The following SHISA5 variants were observed in gnomAD, a reference collection of about 807,000 sequenced individuals.
SHISA5 encodes the protein shisa family member 5, also known as protein shisa-5.
Under a neutral mutation model 27.5 loss-of-function variants are expected in SHISA5, and 21 were observed. That is an observed-to-expected ratio of 0.76 (90% CI 0.54 to 1.10). The LOEUF (loss-of-function observed/expected upper bound fraction) is 1.10, where lower values mean the gene tolerates loss of function less well. Ranked by LOEUF, SHISA5 falls within the 50% of genes least tolerant of loss-of-function variation. The pLI, the probability that SHISA5 is intolerant of heterozygous loss-of-function variation, is 0.00. For missense variants in SHISA5, 314 were observed against 336.3 expected (o/e 0.93, Z 0.52); for synonymous variants, 137 against 142.2 (o/e 0.96, Z 0.26).
Position 48,499,042 on chromosome 3 carries a change from A to G in SHISA5, c.233+2095T>C, listed in dbSNP as rs142085770. ...GGTTGTGGTGAGCCAAGAACACACC[A>G]TTGCACTCCAGCCTGGGCAACAAGA... On this transcript the variant is annotated intron_variant, in intron 2 of 5. Transcript: ENST00000296444. Among the ~76,000 whole-genome samples, 545 of 149,862 alleles carry G rather than the reference A, an allele frequency of 3.6e-3. 1 individual carries two copies. Among genetic ancestry groups the G allele is most frequent in the African/African-American group, 0.012 (506 of 40,812 alleles).
chr3:48,478,708 T>C (rs2040902916), intron 3 of SHISA5, among the ~76,000 whole-genome samples: 1 of 152,110 alleles, frequency 6.6e-6, no homozygotes, highest in Admixed American at 6.6e-5. Context: ...TCATTGGTTG[T>C]CCCAGGACCT....
intron 3 of SHISA5, among the ~76,000 whole-genome samples, chr3:48,477,641 T>G (rs2107313834): frequency 6.6e-6 from 1 of 152,318 alleles, no homozygotes; most frequent in Middle Eastern, 3.4e-3. Flanking sequence ...CAGCATACAA[T>G]TTCCAACTGC....
chr3:48,481,441 A>AAAAAT lies in SHISA5; in HGVS notation c.234-2189_234-2185dup, dbSNP rs58732653. ...GCAATGGACCGAGACTCTGTCTCAAAAAAATAAAATAAAATAAAATAAAAT... is the reference window on the plus strand; with the variant it reads ...GCAATGGACCGAGACTCTGTCTCAAAAAAATAAAATAAAATAAAATAAAATAAAAT... On this transcript the variant is annotated intron_variant, in intron 2 of 5. Transcript: ENST00000296444. 2.1e-3 allele frequency among the ~76,000 whole-genome samples: 298 copies of AAAAAT among 144,268 alleles called. 2 individuals are homozygous for AAAAAT. Among genetic ancestry groups the AAAAAT allele is most frequent in the South Asian group, 3.9e-3 (18 of 4,646 alleles). 94.6% of individuals were successfully genotyped at this position (144,268 alleles called of 152,430 possible).
rs1355289969 is a variant in SHISA5 at position 48,501,175 on chromosome 3, A to G, written c.195T>C (p.Phe65=). Residue 65 remains phenylalanine, a synonymous_variant, in exon 2 of 6, where the codon TTT becomes TTC. Coordinates refer to ENST00000296444, the MANE Select transcript of SHISA5 (RefSeq NM_016479.6). ...QYCCSDVLKK[F]VWSEERCAVP... ...CAGCACACCTTTCCTCGCTCCACACAAATTTCTTCAGCACGTCAGAGCAGC... is the reference window on the plus strand; with the variant it reads ...CAGCACACCTTTCCTCGCTCCACACGAATTTCTTCAGCACGTCAGAGCAGC... 2 of 1,614,016 alleles carry G rather than the reference A, an allele frequency of 1.2e-6. No homozygotes were observed. Among genetic ancestry groups the G allele is most frequent in the African/African-American group, 1.3e-5 (1 of 75,038 alleles).
intron 2 of SHISA5, among the ~76,000 whole-genome samples, chr3:48,494,414 C>T (rs1311205460): frequency 6.9e-6 from 1 of 145,652 alleles, no homozygotes; most frequent in African/African-American, 2.8e-5. Flanking sequence ...TCTCCTGCCT[C>T]AGCCTCCAGA....
At chr3:48,490,194 C>T (rs2041381261) in intron 2 of SHISA5, among the ~76,000 whole-genome samples, 1 of 152,238 alleles carries the variant, frequency 6.6e-6, no homozygotes, top group South Asian at 2.1e-4. Flanking sequence ...CTGCCTCAGC[C>T]TCCCAAGTAG....
intron 2 of SHISA5, among the ~76,000 whole-genome samples, chr3:48,499,082 CAAAA>C (rs777373636): frequency 6.2e-4 from 27 of 43,492 alleles, no homozygotes. Context: ...AACTCCATCT[CAAAA>C]AAAAAAAAAA....
chr3:48,468,065 G>A lies in SHISA5; in HGVS notation c.*1042C>T, dbSNP rs1280109096. 1.2e-6 allele frequency: 1 copy of A among 848,118 alleles called. No homozygotes were observed. Among genetic ancestry groups the A allele is most frequent in the Non-Finnish European group, 1.4e-6 (1 of 694,346 alleles). The allele number at this position is 848,118 out of a possible 1,614,324, so 52.5% of individuals were successfully genotyped here. A position where few individuals can be genotyped will look rare whatever the true frequency, so the allele number is the denominator to read the frequency against. ...TGGTCCAGATGGCCCATTGGCCCAG[G>A]TGTCCCTGCTGCCAGAACACCGTGG... is the stretch of plus-strand genomic sequence containing the variant. On this transcript the variant is annotated 3_prime_UTR_variant, in exon 6 of 6. Coordinates refer to ENST00000296444, the MANE Select transcript of SHISA5 (RefSeq NM_016479.6).
chr3:48,474,910 A>G (rs1304387030), intron 3 of SHISA5, among the ~76,000 whole-genome samples: 1 of 152,050 alleles, frequency 6.6e-6, no homozygotes, highest in Non-Finnish European at 1.5e-5. Context: ...CCTCCCCACC[A>G]TGCAGAAGAG....
intron 3 of SHISA5, among the ~76,000 whole-genome samples, chr3:48,472,242 C>T (rs2040656108): frequency 6.6e-6 from 1 of 152,064 alleles, no homozygotes. Context: ...AATCCTAACA[C>T]TTTGGGAGGC....
chr3:48,485,364 G>A (rs1297749352), intron 2 of SHISA5, among the ~76,000 whole-genome samples: 1 of 150,928 alleles, frequency 6.6e-6, no homozygotes, highest in Non-Finnish European at 1.5e-5. Context: ...GCGTGGTGGT[G>A]CATGCCTGTA....
chr3:48,469,141 G>C lies in SHISA5; in HGVS notation c.689C>G (p.Pro230Arg), dbSNP rs557100936. The change falls in exon 6 of 6, where the codon CCG becomes CGG. Residue 230 changes from proline to arginine, a missense_variant. Coordinates refer to ENST00000296444, the MANE Select transcript of SHISA5 (RefSeq NM_016479.6). This position sits in a 1 kb window ranked among gnomAD's most constrained non-coding sequence, Gnocchi z 4.6. ...PYPASQPPYN[P>R]AYMDAPKAAL ...CGCCTTCGGGGCATCCATGTAGGCC[G>C]GGTTGTAAGGAGGCTGGCTGGCGGG... 1 of 1,612,940 alleles carries C rather than the reference G, an allele frequency of 6.2e-7. No homozygotes were observed. Among genetic ancestry groups the C allele is most frequent in the Non-Finnish European group, 8.5e-7 (1 of 1,180,032 alleles).
At chr3:48,485,056 G>A (rs2041152749) in intron 2 of SHISA5, among the ~76,000 whole-genome samples, 1 of 152,092 alleles carries the variant, frequency 6.6e-6, no homozygotes, top group Non-Finnish European at 1.5e-5. Flanking sequence ...GGCTGGGCAT[G>A]TGGTCCCAGC....
intron 2 of SHISA5, among the ~76,000 whole-genome samples, chr3:48,486,152 C>T (rs929789773): frequency 7.1e-6 from 1 of 141,376 alleles, no homozygotes; most frequent in African/African-American, 2.7e-5. Context: ...GGCACACAAT[C>T]AAAAATTTTC....
chr3:48,467,957 G>T lies in SHISA5; in HGVS notation c.*1150C>A, dbSNP rs1469091976. On this transcript the variant is annotated 3_prime_UTR_variant, in exon 6 of 6. Transcript: ENST00000296444. ...ACAGATTTGAGCTAAGACAGCTCTG[G>T]TGAAACAGTAATAGAGGGAGGAGGA... 2 of 294,692 alleles carry T rather than the reference G, an allele frequency of 6.8e-6. No individual in the cohort carries two copies. The highest frequency in any genetic ancestry group is 1.2e-5 in the Non-Finnish European group (2 of 163,530). The allele number at this position is 294,692 out of a possible 1,614,324, so 18.3% of individuals were successfully genotyped here. A position where few individuals can be genotyped will look rare whatever the true frequency, so the allele number is the denominator to read the frequency against.
chr3:48,473,379 C>A lies in SHISA5; in HGVS notation c.315-3536G>T. 1 of 1,336,128 alleles carries A rather than the reference C, an allele frequency of 7.5e-7. No individual in the cohort carries two copies. Among genetic ancestry groups the A allele is most frequent in the Non-Finnish European group, 9.8e-7 (1 of 1,019,818 alleles). The allele number at this position is 1,336,128 out of a possible 1,614,324, so 82.8% of individuals were successfully genotyped here. A position where few individuals can be genotyped will look rare whatever the true frequency, so the allele number is the denominator to read the frequency against. ...TAAGAGCCACCCCAGCCTCAGTGGG[C>A]CCCAACCACACTCTAGCTCAGCAGC... On this transcript the variant is annotated intron_variant, in intron 3 of 5. Transcript: ENST00000296444. This position sits in a 1 kb window ranked among gnomAD's most constrained non-coding sequence, Gnocchi z 4.3.
intron 2 of SHISA5, among the ~76,000 whole-genome samples, chr3:48,486,260 AATACATTATGTTATATAACATATAATG>A (rs2041221915): frequency 5.2e-4 from 39 of 74,376 alleles, no homozygotes; most frequent in East Asian, 1.2e-3. Context: ...TATTATATAT[AATACATTATGTTATATAACATATAATG>A]TATTATATAT....
Position 48,468,954 on chromosome 3 carries a change from CAT to C in SHISA5, c.*151_*152del. 6.4e-7 allele frequency: 1 copy of C among 1,574,228 alleles called. No individual in the cohort carries two copies. The highest frequency in any genetic ancestry group is 2.3e-5 in the East Asian group (1 of 43,090). On this transcript the variant is annotated 3_prime_UTR_variant, in exon 6 of 6. Transcript: ENST00000296444. ...ACCTTGTCAGCATCAGAGGAAGCCACATATACAGGCAGGACACACACAGCACA... is the reference window on the plus strand; with the variant it reads ...ACCTTGTCAGCATCAGAGGAAGCCACATACAGGCAGGACACACACAGCACA...
chr3:48,501,385 A>C, intron 1 of SHISA5, 92 bp from the exon 2 acceptor site: 1 of 1,367,768 alleles, frequency 7.3e-7, no homozygotes, highest in Non-Finnish European at 1.0e-6. Flanking sequence ...CAGACCACAC[A>C]CACACACACA....
Sources: gnomAD v4.1 joint callset for allele counts (sites outside exome capture counted in the v4.1 genomes callset) on GRCh38, gnomAD v4.1.1 for gene constraint, Gnocchi (gnomAD v3.1) non-coding constraint, MANE v1.5 for transcripts, NCBI Gene and HGNC (gene_info 2026-07-23, HGNC 2026-07-21) for gene names.